Variants in FAM241A observed in about 807,000 individuals in gnomAD.
FAM241A encodes family with sequence similarity 241 member A, also known as uncharacterized protein FAM241A.
A neutral mutation model predicts 12.2 loss-of-function variants in FAM241A; 7 were observed. The observed-to-expected ratio is 0.58, with a 90% confidence interval of 0.33 to 1.08. The LOEUF is 1.08. Among genes scored for constraint, FAM241A ranks in the 50% least tolerant of loss-of-function variants. The probability of loss-of-function intolerance (pLI) is 0.04; values close to 1 mark genes in which losing one functional copy is unlikely to be tolerated. For synonymous variants in FAM241A, 74 were observed against 68.2 expected (o/e 1.08, Z -0.42); for missense variants, 161 against 169.7 (o/e 0.95, Z 0.29).
chr4:112,164,273 AAAAG>A (rs1723546931), intron 1 of FAM241A, among the ~76,000 whole-genome samples: 1 of 151,384 alleles, frequency 6.6e-6, no homozygotes. Context: ...TTTTTTTAAA[AAAAG>A]GATGAGTTCA....
At chr4:112,184,273 T>G (rs1030828159) in intron 1 of FAM241A, among the ~76,000 whole-genome samples, 2 of 152,232 alleles carry the variant, frequency 1.3e-5, no homozygotes, top group African/African-American at 4.8e-5. Context: ...CTCACGCTGG[T>G]AATTCCAGCA....
intron 1 of FAM241A, among the ~76,000 whole-genome samples, chr4:112,183,697 A>C (rs1015765242): frequency 2.0e-5 from 3 of 152,082 alleles, no homozygotes; most frequent in African/African-American, 7.2e-5. Context: ...AGAGTAAAAA[A>C]AAAAATTTTT....
Position 112,186,758 on chromosome 4 carries a change from A to C in FAM241A, c.219A>C (p.Thr73=). ...PVGDDYKKMG[T]LFGELNKNLI... is the part of the protein sequence containing the mutation. ...GAGATGACTACAAGAAAATGGGAACACTTTTTGGTGAACTGAACAAAAACC... is the reference window on the plus strand; with the variant it reads ...GAGATGACTACAAGAAAATGGGAACCCTTTTTGGTGAACTGAACAAAAACC... Residue 73 remains threonine, a synonymous_variant, in exon 2 of 2, where the codon ACA becomes ACC. Coordinates refer to ENST00000309733, the MANE Select transcript of FAM241A (RefSeq NM_152400.3). 4 of 1,613,902 alleles carry C rather than the reference A, an allele frequency of 2.5e-6. No individual in the cohort carries two copies. Among genetic ancestry groups the C allele is most frequent in the Non-Finnish European group, 3.4e-6 (4 of 1,179,948 alleles).
intron 1 of FAM241A, among the ~76,000 whole-genome samples, chr4:112,175,030 AC>A (rs1317866331): frequency 2.6e-5 from 4 of 152,224 alleles, no homozygotes; most frequent in Non-Finnish European, 5.9e-5. Flanking sequence ...TAAAGTGCTT[AC>A]CACAATATCT....
Position 112,145,617 on chromosome 4 carries a change from G to A in FAM241A, c.37G>A (p.Gly13Ser). ...SAGELLRGGD[G>S]GERDEDGDAL... ...CGGGGAGCTGCTGCGGGGCGGCGAC[G>A]GCGGGGAACGCGACGAGGACGGGGA... Residue 13 changes from glycine (G) to serine (S), a missense_variant, in exon 1 of 2, where the codon GGC (glycine) becomes AGC (serine). By Grantham distance (56) the Gly-to-Ser change is moderately conservative. Transcript: ENST00000309733. 8.1e-7 allele frequency: 1 copy of A among 1,232,496 alleles called. No individual in the cohort carries two copies. The highest frequency in any genetic ancestry group is 1.0e-6 in the Non-Finnish European group (1 of 986,972). The allele number at this position is 1,232,496 out of a possible 1,614,324, so 76.3% of individuals were successfully genotyped here.
intron 1 of FAM241A, among the ~76,000 whole-genome samples, chr4:112,146,715 T>A (rs976262081): frequency 6.6e-6 from 1 of 152,240 alleles, no homozygotes; most frequent in Non-Finnish European, 1.5e-5. Flanking sequence ...AATTCCAGTA[T>A]CATCACTAAA....
At chr4:112,175,509 G>A (rs1445706167) in intron 1 of FAM241A, among the ~76,000 whole-genome samples, 3 of 152,154 alleles carry the variant, frequency 2.0e-5, no homozygotes, top group South Asian at 2.1e-4. Context: ...GGCTCACACC[G>A]GTACTCCCAG....
At chr4:112,170,457 G>A (rs1723693754) in intron 1 of FAM241A, among the ~76,000 whole-genome samples, 1 of 152,188 alleles carries the variant, frequency 6.6e-6, no homozygotes, top group Non-Finnish European at 1.5e-5. Flanking sequence ...AATAAAAGTT[G>A]TATGAATGTG....
chr4:112,159,403 A>G (rs1375787485), intron 1 of FAM241A, among the ~76,000 whole-genome samples: 3 of 152,152 alleles, frequency 2.0e-5, no homozygotes, highest in Non-Finnish European at 4.4e-5. Context: ...TTAACTATGG[A>G]CTTATTTCAG....
In FAM241A at chr4:112,193,945, G is replaced by A. The variant is rs1470073742; in HGVS notation, c.*7007G>A. The A allele has an allele frequency of 6.7e-6, 1 of 148,900 alleles. No individual in the cohort carries two copies. The highest frequency in any genetic ancestry group is 1.5e-5 in the Non-Finnish European group (1 of 67,458). The allele number at this position is 148,900 out of a possible 1,614,324, so 9.2% of individuals were successfully genotyped here. On this transcript the variant is annotated 3_prime_UTR_variant, in exon 2 of 2. Coordinates refer to ENST00000309733, the MANE Select transcript of FAM241A (RefSeq NM_152400.3). Reference sequence around the variant, plus strand: ...TCTATAAATTACCTTGGGCAGTATGGCCATTTTCACGATATTGATTCTTCC... The same window carrying A: ...TCTATAAATTACCTTGGGCAGTATGACCATTTTCACGATATTGATTCTTCC...
intron 1 of FAM241A, among the ~76,000 whole-genome samples, chr4:112,185,364 A>G (rs556646446): frequency 2.6e-5 from 4 of 152,320 alleles, no homozygotes; most frequent in African/African-American, 9.6e-5. Flanking sequence ...AGCATCACCT[A>G]GAAACTTCCT....
chr4:112,182,971 T>C (rs1723971129), intron 1 of FAM241A, among the ~76,000 whole-genome samples: 1 of 151,202 alleles, frequency 6.6e-6, no homozygotes, highest in African/African-American at 2.4e-5. Context: ...TTTTTTTTTT[T>C]CTTTTGCCTG....
chr4:112,151,992 G>A (rs549591784), intron 1 of FAM241A, among the ~76,000 whole-genome samples: 3 of 152,228 alleles, frequency 2.0e-5, no homozygotes, highest in Non-Finnish European at 4.4e-5. Context: ...TTCCTTTCAC[G>A]TATTTTAAAA....
chr4:112,171,564 A>G, intron 1 of FAM241A: 1 of 723,700 alleles, frequency 1.4e-6, no homozygotes, highest in East Asian at 2.5e-5. Flanking sequence ...AAGACTATAA[A>G]ATCTTGAGTT....
Position 112,188,691 on chromosome 4 carries a change from T to G in FAM241A, c.*1753T>G, listed in dbSNP as rs1410431375. 6.6e-6 allele frequency: 1 copy of G among 152,124 alleles called. No homozygotes were observed. Among genetic ancestry groups the G allele is most frequent in the East Asian group, 1.9e-4 (1 of 5,202 alleles). 9.4% of individuals were successfully genotyped at this position (152,124 alleles called of 1,614,324 possible). ...TATATCTACATAAAATATCAGTACATTTTTTTCTAATGCTACTGGAAATTT... is the reference window on the plus strand; with the variant it reads ...TATATCTACATAAAATATCAGTACAGTTTTTTCTAATGCTACTGGAAATTT... On this transcript the variant is annotated 3_prime_UTR_variant, in exon 2 of 2. Coordinates refer to ENST00000309733, the MANE Select transcript of FAM241A (RefSeq NM_152400.3).
At chr4:112,153,292 T>G (rs1015675696) in intron 1 of FAM241A, among the ~76,000 whole-genome samples, 2 of 152,170 alleles carry the variant, frequency 1.3e-5, no homozygotes, top group African/African-American at 4.8e-5. Context: ...AGTTTCCTAT[T>G]CAAAAGAAGT....
Position 112,145,470 on chromosome 4 carries a change from T to C in FAM241A, c.-111T>C, listed in dbSNP as rs1343424604. 1.6e-5 allele frequency: 18 copies of C among 1,092,820 alleles called. No homozygotes were observed. In the East Asian group the frequency reaches 6.3e-4, roughly 38 times the overall value. 67.7% of individuals were successfully genotyped at this position (1,092,820 alleles called of 1,614,324 possible). On this transcript the variant is annotated 5_prime_UTR_variant, in exon 1 of 2. Transcript: ENST00000309733. ...GCGGGGCGCGCTCCGGCGGCTCCTGTCAGCGGCGGGTGCGGCGGATCCCAG... is the reference window on the plus strand; with the variant it reads ...GCGGGGCGCGCTCCGGCGGCTCCTGCCAGCGGCGGGTGCGGCGGATCCCAG...
chr4:112,161,454 T>G (rs1467343155), intron 1 of FAM241A, among the ~76,000 whole-genome samples: 1 of 151,816 alleles, frequency 6.6e-6, no homozygotes, highest in Non-Finnish European at 1.5e-5. Context: ...ATCAGATTGA[T>G]GCAATAAAAA....
rs1187056891 is a variant in FAM241A, at chr4:112,193,464, G to T, written c.*6526G>T. 1 of 152,056 alleles carries T rather than the reference G, an allele frequency of 6.6e-6. No homozygotes were observed. Among genetic ancestry groups the T allele is most frequent in the South Asian group, 2.1e-4 (1 of 4,820 alleles). The allele number at this position is 152,056 out of a possible 1,614,324, so 9.4% of individuals were successfully genotyped here. A position where few individuals can be genotyped will look rare whatever the true frequency, so the allele number is the denominator to read the frequency against. On this transcript the variant is annotated 3_prime_UTR_variant, in exon 2 of 2. Transcript: ENST00000309733. ...TGGTAATGCCTAGGTTTTCTTCTAG[G>T]GTTTTTATGGTTTTAGGTCTGACAT...
Sources: allele counts gnomAD v4.1 joint callset (sites outside exome capture counted in the v4.1 genomes callset), GRCh38; gene constraint gnomAD v4.1.1; transcripts MANE v1.5; gene names NCBI Gene and HGNC (gene_info 2026-07-23, HGNC 2026-07-21).